ADAMTS7: variants seen among roughly 807,000 people sequenced by gnomAD.
ADAMTS7 encodes ADAM metallopeptidase with thrombospondin type 1 motif 7.
ADAMTS7 carries 89 observed loss-of-function variants against 172.6 expected under a neutral mutation model. The observed-to-expected ratio is 0.52, with a 90% CI of 0.43 to 0.61. The LOEUF is 0.61. ADAMTS7 is among the 20% of genes least tolerant of loss of function. The pLI is 0.00. For synonymous variants in ADAMTS7, 885 were observed against 978.4 expected, an observed-to-expected ratio of 0.90 and a Z score of 1.78; for missense variants, 1,973 against 2,355.6, an observed-to-expected ratio of 0.84 and a Z score of 3.36.
chr15:78,807,105 C>T (rs185791581), intron 1 of ADAMTS7, among the ~76,000 whole-genome samples: 8 of 152,188 alleles, frequency 5.3e-5, no homozygotes, highest in African/African-American at 1.9e-4. Context: ...CGTTGGTTCC[C>T]AGGGCAAGGA....
intron 8 of ADAMTS7, among the ~76,000 whole-genome samples, chr15:78,787,930 C>T (rs1405014268): frequency 6.6e-6 from 1 of 152,156 alleles, no homozygotes; most frequent in African/African-American, 2.4e-5. Flanking sequence ...ACCAAGAACA[C>T]CATTCTTCTC....
rs151072929 is a variant in ADAMTS7, at chr15:78,788,565, G to A, written c.1179-191C>T. ...TCAGTTTCCTGAATGTAAAATGAGG[G>A]TATGACAGCTAGTATCCCAAGGGCT... On this transcript the variant is annotated intron_variant, in intron 7 of 23. Coordinates refer to ENST00000388820, the MANE Select transcript of ADAMTS7 (RefSeq NM_014272.5). Among the ~76,000 whole-genome samples, 12 of 152,352 alleles carry A rather than the reference G, an allele frequency of 7.9e-5. No individual in the cohort carries two copies. In the East Asian group the frequency reaches 2.3e-3, roughly 29 times the overall value.
rs762424608 is a variant in ADAMTS7 at position 78,800,301 on chromosome 15, A to G, written c.347T>C (p.Leu116Pro). The G allele has an allele frequency of 6.3e-7, 1 of 1,590,298 alleles. No individual in the cohort carries two copies. Residue 116 changes from leucine (L) to proline (P), a missense_variant, in exon 2 of 24, where the codon CTG becomes CCG. Coordinates refer to ENST00000388820, the MANE Select transcript of ADAMTS7 (RefSeq NM_014272.5). ...GTGGGCCCGGATGTGCGCGCGGCCC[A>G]GGCCGCCGCGCCGCCGCGTCTCGCT... is the stretch of plus-strand genomic sequence containing the variant. The part of the protein sequence containing the change: ...FVSETRRRGG[L>P]GRAHIRAHTP...
At chr15:78,762,860 A>G (rs1458517605) in intron 22 of ADAMTS7, among the ~76,000 whole-genome samples, 2 of 152,222 alleles carry the variant, frequency 1.3e-5, no homozygotes, top group Admixed American at 6.5e-5. Context: ...ATGCCTGAGA[A>G]GCCTGGGCAG....
chr15:78,777,558 A>C lies in ADAMTS7; in HGVS notation c.1353T>G (p.Pro451=), dbSNP rs1461227404. Residue 451 remains proline (P), a synonymous_variant, in exon 9 of 24, where the codon CCT becomes CCG. Transcript: ENST00000388820. Reference sequence around the variant, plus strand: ...GGAAGTCGATAATGTCCTTGGCAGGAGGGTCGTCCAGGCACAGGCCCCACC... The same window carrying C: ...GGAAGTCGATAATGTCCTTGGCAGGCGGGTCGTCCAGGCACAGGCCCCACC... ...DRGWGLCLDD[P]PAKDIIDFPS... 1.4e-5 allele frequency: 22 copies of C among 1,607,182 alleles called. No individual in the cohort carries two copies. Among genetic ancestry groups the C allele is most frequent in the Non-Finnish European group, 1.9e-5 (22 of 1,177,136 alleles).
intron 8 of ADAMTS7, among the ~76,000 whole-genome samples, chr15:78,779,582 C>A (rs567083893): frequency 6.6e-6 from 1 of 152,194 alleles, no homozygotes; most frequent in African/African-American, 2.4e-5. Flanking sequence ...AGTGCTCCTG[C>A]GGCTTGGGGC....
rs1010641725 is a variant in ADAMTS7, at chr15:78,800,415, G to T, written c.233C>A (p.Ala78Glu). 1 of 1,609,304 alleles carries T rather than the reference G, an allele frequency of 6.2e-7. No individual in the cohort carries two copies. Among genetic ancestry groups the T allele is most frequent in the Non-Finnish European group, 8.5e-7 (1 of 1,178,152 alleles). ...GTATTGTAGCTCGTAGAAGGCGGGCGCGTCTCGGCGCACAGATACATCCCG... is the reference window on the plus strand; with the variant it reads ...GTATTGTAGCTCGTAGAAGGCGGGCTCGTCTCGGCGCACAGATACATCCCG... ...RKRDVSVRRDAPAFYELQYRG... is the reference protein window; with the variant it reads ...RKRDVSVRRDEPAFYELQYRG... The change falls in exon 2 of 24, where the codon GCG (alanine) becomes GAG (glutamate). Residue 78 changes from alanine to glutamate, a missense_variant. Physicochemically the swap from Ala to Glu is moderately radical, Grantham distance 107. Around this residue, in one of 8 missense-constraint regions of ADAMTS7, gnomAD observed 306 missense variants for 288.0 expected, o/e 1.06. Coordinates refer to ENST00000388820, the MANE Select transcript of ADAMTS7 (RefSeq NM_014272.5).
intron 8 of ADAMTS7, among the ~76,000 whole-genome samples, chr15:78,779,703 T>C (rs1596187839): frequency 6.6e-6 from 1 of 151,626 alleles, no homozygotes; most frequent in Non-Finnish European, 1.5e-5. Context: ...CTCGAGGAGG[T>C]AGACTGGGGG....
In ADAMTS7 at chr15:78,767,302, A is replaced by T. The variant is rs1454931279; in HGVS notation, c.2859+77T>A. 4.5e-6 allele frequency: 7 copies of T among 1,546,842 alleles called. No homozygotes were observed. In the South Asian group the frequency reaches 7.0e-5, roughly 15 times the overall value. On this transcript the variant is annotated intron_variant, in intron 18 of 23. Transcript: ENST00000388820. ...GTTCCCTCCCACCCACAAGGTCTCC[A>T]GGAAGGCTGTCTGCCTCCCTGTAGC... is the stretch of plus-strand genomic sequence containing the variant.
intron 7 of ADAMTS7, among the ~76,000 whole-genome samples, chr15:78,788,598 C>T (rs1408771053): frequency 2.0e-5 from 3 of 152,254 alleles, no homozygotes; most frequent in African/African-American, 7.2e-5. Context: ...GCTCCTGTTC[C>T]AGCCTGAAAT....
At chr15:78,762,380 G>A in intron 23 of ADAMTS7, 23 bp downstream of exon 23, 3 of 1,410,070 alleles carry the variant, frequency 2.1e-6, no homozygotes, top group Non-Finnish European at 2.8e-6. Flanking sequence ...CTTCAGCAGG[G>A]AGCCTGGGGT....
chr15:78,774,876 C>T, intron 11 of ADAMTS7, 83 bp from the exon 12 acceptor site: 1 of 1,472,186 alleles, frequency 6.8e-7, no homozygotes. Flanking sequence ...GCAACTTCCT[C>T]CTGCATCCAC....
intron 1 of ADAMTS7, among the ~76,000 whole-genome samples, chr15:78,807,115 AC>A: frequency 6.6e-6 from 1 of 152,224 alleles, no homozygotes. Context: ...CAGGGCAAGG[AC>A]AATCCCAGCC....
At chr15:78,763,511 A>G (rs1231962225) in intron 22 of ADAMTS7, among the ~76,000 whole-genome samples, 188 bp downstream of exon 22, 2 of 152,108 alleles carry the variant, frequency 1.3e-5, no homozygotes, top group Admixed American at 1.3e-4. Flanking sequence ...ACACCACAGC[A>G]CACGCGCCCT....
intron 2 of ADAMTS7, among the ~76,000 whole-genome samples, chr15:78,798,379 C>T (rs1337387276): frequency 6.6e-6 from 1 of 152,226 alleles, no homozygotes; most frequent in Non-Finnish European, 1.5e-5. Context: ...GCCCCACACA[C>T]CCACCCCATT....
intron 13 of ADAMTS7, 106 bp downstream of exon 13, chr15:78,774,061 G>T: frequency 6.6e-7 from 1 of 1,510,024 alleles, no homozygotes; most frequent in Non-Finnish European, 8.9e-7. Context: ...CCTGGGGCCC[G>T]CCATGGCCCG....
intron 3 of ADAMTS7, 32 bp downstream of exon 3, chr15:78,797,916 C>T (rs1274849375): frequency 1.9e-6 from 3 of 1,584,536 alleles, no homozygotes; most frequent in East Asian, 2.3e-5. Context: ...AGGCCCAGCA[C>T]CCACCCGAGA....
intron 4 of ADAMTS7, 98 bp downstream of exon 4, chr15:78,796,492 G>A: frequency 4.3e-6 from 6 of 1,389,920 alleles, no homozygotes; most frequent in South Asian, 1.4e-5. Flanking sequence ...ACCTGGGTCT[G>A]GGGTCCAGCC....
chr15:78,768,347 A>G, intron 16 of ADAMTS7, 88 bp from the exon 17 acceptor site: 3 of 1,573,766 alleles, frequency 1.9e-6, no homozygotes, highest in South Asian at 2.3e-5. Flanking sequence ...GAACCCTCCC[A>G]GAACAGCGCC....
Sources: allele counts gnomAD v4.1 joint callset (sites outside exome capture counted in the v4.1 genomes callset), GRCh38; gene constraint gnomAD v4.1.1; regional missense constraint gnomAD v4.1.1; transcripts MANE v1.5; gene names NCBI Gene and HGNC (gene_info 2026-07-23, HGNC 2026-07-21).